Variants in ZNF431 observed in about 807,000 individuals in gnomAD.
ZNF431 encodes the protein zinc finger protein 431.
A neutral mutation model predicts 57.0 loss-of-function variants in ZNF431; 34 were observed. The observed-to-expected ratio is 0.60, with a 90% CI of 0.45 to 0.79. The LOEUF (loss-of-function observed/expected upper bound fraction) is 0.79. Ranked by LOEUF, ZNF431 falls within the 30% of genes least tolerant of loss-of-function variation. ZNF431 has a pLI of 0.00. For synonymous variants in ZNF431, 207 were observed against 220.3 expected (o/e 0.94, Z 0.54); for missense variants, 607 against 667.1 (o/e 0.91, Z 0.99).
At chr19:21,156,744 G>A (rs1248079545) in intron 2 of ZNF431, among the ~76,000 whole-genome samples, 2 of 149,722 alleles carry the variant, frequency 1.3e-5, no homozygotes, top group African/African-American at 4.9e-5. Flanking sequence ...TTTATGTACC[G>A]TACTTTGTTT....
chr19:21,148,228 C>A (rs12052171), intron 2 of ZNF431, among the ~76,000 whole-genome samples: 1 of 151,942 alleles, frequency 6.6e-6, no homozygotes, highest in African/African-American at 2.4e-5. Flanking sequence ...AACTCCTGAC[C>A]TTGTGATCGG....
chr19:21,179,256 TGTTTTATTA>T (rs1487894418), intron 4 of ZNF431, among the ~76,000 whole-genome samples: 1 of 152,120 alleles, frequency 6.6e-6, no homozygotes, highest in Non-Finnish European at 1.5e-5. Context: ...TTTTCTCTCT[TGTTTTATTA>T]GTCTAGCTAG....
chr19:21,195,399 G>T lies in ZNF431; in HGVS notation c.*11365G>T, dbSNP rs878954597. On this transcript the variant is annotated 3_prime_UTR_variant, in exon 5 of 5. Coordinates refer to ENST00000311048, the MANE Select transcript of ZNF431 (RefSeq NM_133473.4). ...CATTAAAAGGAACTTCTAAAGCTCC[G>T]AAGTGGTCAACAGTTTCACTTCCAA... 1.3e-5 allele frequency: 2 copies of T among 152,118 alleles called. No individual in the cohort carries two copies. Among genetic ancestry groups the T allele is most frequent in the Admixed American group, 6.6e-5 (1 of 15,266 alleles). The allele number at this position is 152,118 out of a possible 1,614,324, so 9.4% of individuals were successfully genotyped here.
intron 1 of ZNF431, 63 bp from the exon 2 acceptor site, chr19:21,143,485 TCCA>T: frequency 7.9e-7 from 1 of 1,261,192 alleles, no homozygotes; most frequent in African/African-American, 1.5e-5. Context: ...AACTAAGATA[TCCA>T]CCGTGGTTAT....
chr19:21,147,772 T>C (rs2144926674), intron 2 of ZNF431, among the ~76,000 whole-genome samples: 1 of 152,288 alleles, frequency 6.6e-6, no homozygotes, highest in East Asian at 1.9e-4. Context: ...AGGATAGTTA[T>C]ATTATCATAT....
In ZNF431 at chr19:21,187,902, A is replaced by G. The variant is rs1385562729; in HGVS notation, c.*3868A>G. On this transcript the variant is annotated 3_prime_UTR_variant, in exon 5 of 5. Coordinates refer to ENST00000311048, the MANE Select transcript of ZNF431 (RefSeq NM_133473.4). Reference sequence around the variant, plus strand: ...TTCACATGGTACTTTGTAGATTTTGATGAGGAAGTTGGTATTTTTAGTGCA... The same window carrying G: ...TTCACATGGTACTTTGTAGATTTTGGTGAGGAAGTTGGTATTTTTAGTGCA... 1 of 152,026 alleles carries G rather than the reference A, an allele frequency of 6.6e-6. No homozygotes were observed. The highest frequency in any genetic ancestry group is 1.5e-5 in the Non-Finnish European group (1 of 68,022). The allele number at this position is 152,026 out of a possible 1,614,324, so 9.4% of individuals were successfully genotyped here.
intron 4 of ZNF431, chr19:21,175,498 G>A: frequency 1.4e-6 from 1 of 692,712 alleles, no homozygotes; most frequent in Non-Finnish European, 2.6e-6. Context: ...GTAAATGTGT[G>A]CTGTGGTGGT....
intron 4 of ZNF431, among the ~76,000 whole-genome samples, chr19:21,172,530 GT>G (rs1970932417): frequency 6.6e-6 from 1 of 152,084 alleles, no homozygotes; most frequent in Admixed American, 6.6e-5. Flanking sequence ...AGACATGGTG[GT>G]GGCTCACGTT....
Position 21,188,302 on chromosome 19 carries a change from A to G in ZNF431, c.*4268A>G, listed in dbSNP as rs985050007. ...AAAAGGTGCAATACTGTCCACAGGT[A>G]AGATAATTAAATTAGTCAGCTTTGT... On this transcript the variant is annotated 3_prime_UTR_variant, in exon 5 of 5. Transcript: ENST00000311048. The G allele has an allele frequency of 2.8e-5, 3 of 108,946 alleles. No homozygotes were observed. The highest frequency in any genetic ancestry group is 7.1e-5 in the Non-Finnish European group (3 of 42,486). The allele number at this position is 108,946 out of a possible 1,614,324, so 6.7% of individuals were successfully genotyped here. A position where few individuals can be genotyped will look rare whatever the true frequency, so the allele number is the denominator to read the frequency against.
intron 2 of ZNF431, among the ~76,000 whole-genome samples, chr19:21,147,721 TAGAAG>T (rs943987487): frequency 2.6e-5 from 4 of 152,122 alleles, no homozygotes; most frequent in African/African-American, 9.7e-5. Flanking sequence ...AGCATGTTCT[TAGAAG>T]AGACATAAAA....
At chr19:21,175,391 C>T (rs1971020822) in intron 4 of ZNF431, 3 of 693,838 alleles carry the variant, frequency 4.3e-6, no homozygotes, top group Non-Finnish European at 7.8e-6. Context: ...TATAAAGTTA[C>T]TATTACCAGT....
chr19:21,153,878 G>A lies in ZNF431; in HGVS notation c.96+10235G>A, dbSNP rs1294243949. On this transcript the variant is annotated intron_variant, in intron 2 of 4. Transcript: ENST00000311048. ...ATTACAGGCGCCCACCACCATGCCC[G>A]TCTAATTTTGTATTTTTAGTAGAGA... Among the ~76,000 whole-genome samples, 4 of 152,036 alleles carry A rather than the reference G, an allele frequency of 2.6e-5. No individual in the cohort carries two copies. The South Asian group carries it at 6.2e-4, about 24-fold the overall frequency.
rs1971588583 is a variant in ZNF431 at position 21,195,433 on chromosome 19, A to C, written c.*11399A>C. 1 of 152,158 alleles carries C rather than the reference A, an allele frequency of 6.6e-6. No individual in the cohort carries two copies. The allele number at this position is 152,158 out of a possible 1,614,324, so 9.4% of individuals were successfully genotyped here. On this transcript the variant is annotated 3_prime_UTR_variant, in exon 5 of 5. Coordinates refer to ENST00000311048, the MANE Select transcript of ZNF431 (RefSeq NM_133473.4). ...AACAGTTTCACTTCCAACTTTTTTAAAAGATACACAATTTTCTAAAAAATT... is the reference window on the plus strand; with the variant it reads ...AACAGTTTCACTTCCAACTTTTTTACAAGATACACAATTTTCTAAAAAATT...
chr19:21,169,829 A>G (rs1970830789), intron 4 of ZNF431: 18 of 398,470 alleles, frequency 4.5e-5, no homozygotes. Flanking sequence ...TCTGCGGCTC[A>G]GAGAGCTGGA....
chr19:21,183,407 A>G lies in ZNF431; in HGVS notation c.1104A>G (p.Gly368=), dbSNP rs1971269732. ...YLTKHKIIHT[G]EKSYKCEECG... ...CTAAACATAAGATAATTCATACTGG[A>G]GAAAAATCTTACAAATGTGAAGAAT... Residue 368 remains glycine, a synonymous_variant, in exon 5 of 5, where the codon GGA becomes GGG. Coordinates refer to ENST00000311048, the MANE Select transcript of ZNF431 (RefSeq NM_133473.4). The G allele has an allele frequency of 1.2e-6, 2 of 1,613,666 alleles. No homozygotes were observed. The highest frequency in any genetic ancestry group is 1.7e-6 in the Non-Finnish European group (2 of 1,179,770).
At position 21,189,886 on chromosome 19, in the gene ZNF431, C is replaced by A. The variant is rs146800402; in HGVS notation, c.*5852C>A. ...TAAGGCCAGGAGTGGTGGCTCACACCTGTAATCCCAGCTCTGGGAGGCCAA... is the reference window on the plus strand; with the variant it reads ...TAAGGCCAGGAGTGGTGGCTCACACATGTAATCCCAGCTCTGGGAGGCCAA... On this transcript the variant is annotated 3_prime_UTR_variant, in exon 5 of 5. Transcript: ENST00000311048. The A allele has an allele frequency of 8.9e-4, 354 of 398,024 alleles. 2 individuals are homozygous for A. The highest frequency in any genetic ancestry group is 6.4e-3 in the African/African-American group (313 of 48,682). 24.7% of individuals were successfully genotyped at this position (398,024 alleles called of 1,614,324 possible).
In ZNF431 at chr19:21,183,068, T is replaced by C; in HGVS notation, c.765T>C (p.Thr255=). ...STLTRHKRIH[T]GEKPFKCEEC... ...TTACTAGACACAAGAGAATTCATAC[T>C]GGAGAGAAACCCTTCAAATGTGAAG... The change falls in exon 5 of 5, where the codon ACT becomes ACC. Residue 255 remains threonine (T), a synonymous_variant. Transcript: ENST00000311048. 6.2e-7 allele frequency: 1 copy of C among 1,614,078 alleles called. No homozygotes were observed. The highest frequency in any genetic ancestry group is 2.2e-5 in the East Asian group (1 of 44,864).
chr19:21,164,057 G>T (rs562054564), intron 2 of ZNF431, among the ~76,000 whole-genome samples: 21 of 140,590 alleles, frequency 1.5e-4, no homozygotes, highest in Non-Finnish European at 3.0e-4. Context: ...CTCGAGCCTG[G>T]TAAGAGCGTG....
At chr19:21,178,423 C>T (rs1363282890) in intron 4 of ZNF431, among the ~76,000 whole-genome samples, 1 of 151,970 alleles carries the variant, frequency 6.6e-6, no homozygotes, top group Non-Finnish European at 1.5e-5. Flanking sequence ...AGCTTTTGCC[C>T]TTTTATATCG....
Sources: gnomAD v4.1 joint callset for allele counts (sites outside exome capture counted in the v4.1 genomes callset) on GRCh38, gnomAD v4.1.1 for gene constraint, MANE v1.5 for transcripts, NCBI Gene and HGNC (gene_info 2026-07-23, HGNC 2026-07-21) for gene names.